Variants in SLC44A5 observed in about 807,000 individuals in gnomAD.
SLC44A5 encodes solute carrier family 44 member 5, also known as choline transporter-like protein 5.
A neutral mutation model predicts 101.8 loss-of-function variants in SLC44A5; 57 were observed. That is an observed-to-expected ratio of 0.56 (90% CI 0.45 to 0.70). The LOEUF (loss-of-function observed/expected upper bound fraction) is 0.70, where lower values mean the gene tolerates loss of function less well. Among genes scored for constraint, SLC44A5 ranks in the 30% least tolerant of loss-of-function variants. The pLI is 0.00. For missense variants in SLC44A5, 737 were observed against 853.1 expected (o/e 0.86, Z 1.70); for synonymous variants, 281 against 290.9 (o/e 0.97, Z 0.35).
intron 4 of SLC44A5, among the ~76,000 whole-genome samples, chr1:75,328,285 G>C (rs1656761053): frequency 6.6e-6 from 1 of 152,210 alleles, no homozygotes. Context: ...AGCCTGGGCA[G>C]AACAATATTT....
chr1:75,467,932 C>T (rs993584060), intron 2 of SLC44A5, among the ~76,000 whole-genome samples: 42 of 151,496 alleles, frequency 2.8e-4, no homozygotes, highest in Admixed American at 7.2e-4. Context: ...AACAACCATA[C>T]GACAAGAGAT....
the SLC44A5 span, among the ~76,000 whole-genome samples, chr1:75,707,883 C>G: frequency 1.3e-5 from 2 of 151,928 alleles, no homozygotes; most frequent in Non-Finnish European, 2.9e-5. Context: ...TAAAATGTTA[C>G]AAATTTTCAT....
intron 6 of SLC44A5, among the ~76,000 whole-genome samples, chr1:75,270,786 G>T (rs1570529223): frequency 1.3e-5 from 2 of 152,004 alleles, no homozygotes; most frequent in Admixed American, 1.3e-4. Context: ...TTATTATTTT[G>T]AATAATACTT....
intron 2 of SLC44A5, among the ~76,000 whole-genome samples, chr1:75,448,676 T>C (rs1300106208): frequency 6.6e-6 from 1 of 152,172 alleles, no homozygotes; most frequent in Non-Finnish European, 1.5e-5. Flanking sequence ...TATGATCACC[T>C]CTCACCTGTT....
chr1:75,499,297 A>T (rs1220614848), intron 2 of SLC44A5, among the ~76,000 whole-genome samples: 1 of 152,224 alleles, frequency 6.6e-6, no homozygotes, highest in Non-Finnish European at 1.5e-5. Flanking sequence ...ATCATCAGGC[A>T]TTAGATTATC....
At chr1:75,226,916 CCTT>C (rs1647210519) in intron 13 of SLC44A5, among the ~76,000 whole-genome samples, 1 of 151,904 alleles carries the variant, frequency 6.6e-6, no homozygotes, top group African/African-American at 2.4e-5. Flanking sequence ...TAAAAAATAT[CCTT>C]AAGAAATTAA....
At chr1:75,572,995 C>T (rs187170987) in intron 1 of SLC44A5, among the ~76,000 whole-genome samples, 1 of 151,808 alleles carries the variant, frequency 6.6e-6, no homozygotes, top group East Asian at 1.9e-4. Flanking sequence ...TAGTGGCATG[C>T]ACCTGTAGTT....
At chr1:75,317,406 G>A (rs1374825364) in intron 4 of SLC44A5, among the ~76,000 whole-genome samples, 2 of 152,146 alleles carry the variant, frequency 1.3e-5, no homozygotes, top group African/African-American at 2.4e-5. Flanking sequence ...ACTGGTTGCT[G>A]GAATAGATAA....
At chr1:75,538,024 G>A (rs1390804863) in intron 2 of SLC44A5, 8 of 152,130 alleles carry the variant, frequency 5.3e-5, no homozygotes, top group Admixed American at 5.2e-4. Flanking sequence ...CAAAAATATA[G>A]CAGGTTTACA....
intron 11 of SLC44A5, among the ~76,000 whole-genome samples, chr1:75,236,527 A>G (rs1648092435): frequency 1.3e-5 from 2 of 152,048 alleles, no homozygotes; most frequent in African/African-American, 4.8e-5. Flanking sequence ...ACTTCTGGTT[A>G]TGATGAATAC....
At chr1:75,300,866 G>A (rs530800102) in intron 4 of SLC44A5, among the ~76,000 whole-genome samples, 181 bp from the exon 5 acceptor site, 33 of 152,234 alleles carry the variant, frequency 2.2e-4, no homozygotes, top group South Asian at 4.1e-4. Context: ...ATTAGCAGCC[G>A]TGGAGGGGCC....
At chr1:75,356,427 A>G (rs575840235) in intron 3 of SLC44A5, among the ~76,000 whole-genome samples, 1 of 152,040 alleles carries the variant, frequency 6.6e-6, no homozygotes, top group East Asian at 1.9e-4. Flanking sequence ...AAATTAAAAA[A>G]TATAAAAATA....
At chr1:75,289,826 T>A (rs955045871) in intron 5 of SLC44A5, among the ~76,000 whole-genome samples, 1 of 152,180 alleles carries the variant, frequency 6.6e-6, no homozygotes, top group Non-Finnish European at 1.5e-5. Flanking sequence ...AATCTATTCA[T>A]AGATAGAGGC....
At chr1:75,561,568 T>C (rs1013344604) in intron 1 of SLC44A5, among the ~76,000 whole-genome samples, 1 of 152,170 alleles carries the variant, frequency 6.6e-6, no homozygotes, top group Non-Finnish European at 1.5e-5. Flanking sequence ...AAACACTGAA[T>C]GCATTTAACA....
chr1:75,277,587 T>C (rs1174004794), intron 5 of SLC44A5, among the ~76,000 whole-genome samples: 3 of 151,870 alleles, frequency 2.0e-5, no homozygotes, highest in Non-Finnish European at 2.9e-5. Context: ...ATCAGCTAAA[T>C]AAAGATCAGC....
intron 13 of SLC44A5, among the ~76,000 whole-genome samples, 153 bp downstream of exon 13, chr1:75,227,573 C>T (rs1329828119): frequency 6.6e-6 from 1 of 152,120 alleles, no homozygotes; most frequent in Non-Finnish European, 1.5e-5. Flanking sequence ...GACTTTTCCA[C>T]TTACTGTAGT....
chr1:75,485,534 T>C (rs984013605), intron 2 of SLC44A5, among the ~76,000 whole-genome samples: 4 of 152,220 alleles, frequency 2.6e-5, no homozygotes, highest in African/African-American at 7.2e-5. Flanking sequence ...ATCATTCAAC[T>C]AGTCTCTAGG....
intron 2 of SLC44A5, among the ~76,000 whole-genome samples, chr1:75,434,338 A>G (rs1244271744): frequency 6.6e-6 from 1 of 152,036 alleles, no homozygotes; most frequent in African/African-American, 2.4e-5. Flanking sequence ...AAATTTTTAG[A>G]ATTTCTCAAT....
intron 2 of SLC44A5, among the ~76,000 whole-genome samples, chr1:75,484,132 A>T (rs1668026126): frequency 6.6e-6 from 1 of 152,152 alleles, no homozygotes; most frequent in Non-Finnish European, 1.5e-5. Context: ...TGTCCTTTTC[A>T]CATTTCAATA....
Sources: allele counts gnomAD v4.1 joint callset (sites outside exome capture counted in the v4.1 genomes callset), GRCh38; gene constraint gnomAD v4.1.1; transcripts MANE v1.5; gene names NCBI Gene and HGNC (gene_info 2026-07-23, HGNC 2026-07-21).